The following TMEM233 variants were observed in gnomAD, a reference collection of about 807,000 sequenced individuals.
TMEM233 encodes transmembrane protein 233.
Under a neutral mutation model 11.2 loss-of-function variants are expected in TMEM233, and 6 were observed. That is an observed-to-expected ratio of 0.54 (90% CI 0.29 to 1.06). TMEM233 has a LOEUF of 1.06. TMEM233 is among the 50% of genes least tolerant of loss of function. TMEM233 has a pLI of 0.08. For missense variants in TMEM233, 127 were observed against 144.7 expected (o/e 0.88, Z 0.63); for synonymous variants, 59 against 55.8 (o/e 1.06, Z -0.26).
At chr12:119,615,939 C>A (rs1954522366) in intron 1 of TMEM233, among the ~76,000 whole-genome samples, 1 of 152,182 alleles carries the variant, frequency 6.6e-6, no homozygotes. Context: ...CCCACAGCAA[C>A]CTTTTTGAGG....
chr12:119,616,475 G>A (rs1479133205), intron 1 of TMEM233, among the ~76,000 whole-genome samples: 1 of 152,176 alleles, frequency 6.6e-6, no homozygotes, highest in African/African-American at 2.4e-5. Flanking sequence ...CGGGTGGTTG[G>A]CTTATGAAAT....
intron 1 of TMEM233, among the ~76,000 whole-genome samples, chr12:119,614,159 G>A (rs961616102): frequency 6.6e-6 from 1 of 152,144 alleles, no homozygotes; most frequent in Non-Finnish European, 1.5e-5. Context: ...CCAGCAGGGA[G>A]TACTTTGGGA....
chr12:119,598,665 A>G (rs1356847834), intron 1 of TMEM233, among the ~76,000 whole-genome samples: 1 of 152,196 alleles, frequency 6.6e-6, no homozygotes, highest in Non-Finnish European at 1.5e-5. Context: ...ATTCTCAAGC[A>G]CACCATTGCC....
chr12:119,594,247 C>G lies in TMEM233; in HGVS notation c.186+213C>G. 1.8e-6 allele frequency: 1 copy of G among 555,982 alleles called. No homozygotes were observed. The highest frequency in any genetic ancestry group is 3.0e-5 in the East Asian group (1 of 32,854). The allele number at this position is 555,982 out of a possible 1,614,324, so 34.4% of individuals were successfully genotyped here. ...CCTCCTCTGCACTCCTCGTGGTACT[C>G]AGAGCCCTGATCAAGCTTCCCCCAG... On this transcript the variant is annotated intron_variant, in intron 1 of 2. Transcript: ENST00000426426. The surrounding 1 kb of genome is among the most constrained non-coding windows in gnomAD (Gnocchi z 5.6).
intron 1 of TMEM233, among the ~76,000 whole-genome samples, chr12:119,597,600 C>T (rs1410183349): frequency 6.6e-6 from 1 of 152,128 alleles, no homozygotes; most frequent in Non-Finnish European, 1.5e-5. Flanking sequence ...TGGAAAAATA[C>T]ACATTCAAGA....
At chr12:119,620,741 T>C (rs1954624621) in intron 1 of TMEM233, among the ~76,000 whole-genome samples, 1 of 152,212 alleles carries the variant, frequency 6.6e-6, no homozygotes, top group South Asian at 2.1e-4. Context: ...ATATAACTCA[T>C]TATTTTAATC....
chr12:119,626,538 GGAGAAGAGAAGAGAA>G (rs199737179), intron 1 of TMEM233, among the ~76,000 whole-genome samples: 5,354 of 63,798 alleles, frequency 0.084, 330 homozygotes, highest in Middle Eastern at 0.11. Context: ...AAGGGAGAAG[GGAGAAGAGAAGAGAA>G]GAGAAGAGAA....
Position 119,640,858 on chromosome 12 carries a change from A to AAAG in TMEM233, c.*155_*156insGAA, listed in dbSNP as rs200103177. The AAAG allele has an allele frequency of 0.03, 16,863 of 561,920 alleles. 33 individuals are homozygous for AAAG. Among genetic ancestry groups the AAAG allele is most frequent in the Non-Finnish European group, 0.036 (13,582 of 375,504 alleles). 34.8% of individuals were successfully genotyped at this position (561,920 alleles called of 1,614,324 possible). On this transcript the variant is annotated 3_prime_UTR_variant, in exon 3 of 3. Transcript: ENST00000426426. ...GCAGGTCCCTGGCAAATGAACAAGA[A>AAAG]AAAAAAAAAAAAAAAGTCCAAAATT...
chr12:119,606,765 C>G (rs1954288685), intron 1 of TMEM233, among the ~76,000 whole-genome samples: 1 of 152,152 alleles, frequency 6.6e-6, no homozygotes, highest in Non-Finnish European at 1.5e-5. Flanking sequence ...AAATGAGTTC[C>G]TAAACATAAA....
At chr12:119,630,629 C>T (rs151307397) in intron 2 of TMEM233, among the ~76,000 whole-genome samples, 14 of 152,340 alleles carry the variant, frequency 9.2e-5, no homozygotes, top group African/African-American at 2.6e-4. Flanking sequence ...AGATCTAGAA[C>T]ATGAGGTGTC....
At position 119,639,414 on chromosome 12, in the gene TMEM233, G is replaced by A. The variant is rs375014584; in HGVS notation, c.324-1285G>A. On this transcript the variant is annotated intron_variant, in intron 2 of 2. Transcript: ENST00000426426. ...GGGTGGATCACAAGGTCAGGAGATC[G>A]ATACCATCCTGGCTAACATGGTGAA... Among the ~76,000 whole-genome samples the A allele has an allele frequency of 8.4e-4, 127 of 151,352 alleles. 1 individual carries two copies. In the South Asian group the frequency reaches 0.02, roughly 24 times the overall value.
the TMEM233 span, among the ~76,000 whole-genome samples, chr12:119,649,915 T>C: frequency 3.4e-5 from 5 of 148,076 alleles, no homozygotes; most frequent in Non-Finnish European, 5.9e-5. Context: ...TCCCAGCACT[T>C]TGGGAGGCCG....
chr12:119,637,620 T>C (rs1411152452), intron 2 of TMEM233, among the ~76,000 whole-genome samples: 2 of 152,214 alleles, frequency 1.3e-5, no homozygotes, highest in Non-Finnish European at 1.5e-5. Flanking sequence ...ATTGTTTTGA[T>C]CAGAGAATTT....
chr12:119,615,133 T>C (rs1172189597), intron 1 of TMEM233, among the ~76,000 whole-genome samples: 1 of 128,626 alleles, frequency 7.8e-6, no homozygotes, highest in Non-Finnish European at 1.5e-5. Flanking sequence ...AGGCCTGGCT[T>C]CTTCTCAAAC....
rs1954031610 is a variant in TMEM233 at position 119,595,697 on chromosome 12, T to A, written c.186+1663T>A. On this transcript the variant is annotated intron_variant, in intron 1 of 2. Coordinates refer to ENST00000426426, the MANE Select transcript of TMEM233 (RefSeq NM_001136534.3). The surrounding 1 kb of genome is among the most constrained non-coding windows in gnomAD (Gnocchi z 4.3). ...GCTTAGAACAGTGACCAGCACGGTA[T>A]CTTTACAAAATCTTTACTCAAATGT... Among the ~76,000 whole-genome samples, 1 of 152,202 alleles carries A rather than the reference T, an allele frequency of 6.6e-6. No individual in the cohort carries two copies. Among genetic ancestry groups the A allele is most frequent in the Admixed American group, 6.5e-5 (1 of 15,290 alleles).
Position 119,594,689 on chromosome 12 carries a change from C to T in TMEM233, c.186+655C>T, listed in dbSNP as rs1006224068. On this transcript the variant is annotated intron_variant, in intron 1 of 2. Transcript: ENST00000426426. The surrounding 1 kb of genome is among the most constrained non-coding windows in gnomAD (Gnocchi z 5.6). ...AACAGTTTCCTCTCGCTTCTTCCTA[C>T]ACCCAACTTCCTCTCCTTGCCTCCC... Among the ~76,000 whole-genome samples, 1 of 152,162 alleles carries T rather than the reference C, an allele frequency of 6.6e-6. No individual in the cohort carries two copies. The highest frequency in any genetic ancestry group is 1.5e-5 in the Non-Finnish European group (1 of 68,014).
intron 2 of TMEM233, among the ~76,000 whole-genome samples, chr12:119,633,139 A>G (rs1444180611): frequency 6.6e-6 from 1 of 152,218 alleles, no homozygotes; most frequent in Non-Finnish European, 1.5e-5. Flanking sequence ...CAGCTTTATC[A>G]GGATTCAGAT....
intron 1 of TMEM233, among the ~76,000 whole-genome samples, chr12:119,612,651 C>G (rs1045149132): frequency 1.3e-5 from 2 of 150,968 alleles, no homozygotes; most frequent in African/African-American, 2.4e-5. Context: ...ACTTGGGAGG[C>G]TGAGGCGGGA....
chr12:119,646,603 T>A (rs1234706837), downstream of TMEM233, among the ~76,000 whole-genome samples: 1 of 152,208 alleles, frequency 6.6e-6, no homozygotes, highest in African/African-American at 2.4e-5. Flanking sequence ...CCTCCTTCCA[T>A]CTTCAACGGC....
Sources: allele counts gnomAD v4.1 joint callset (sites outside exome capture counted in the v4.1 genomes callset), GRCh38; gene constraint gnomAD v4.1.1; non-coding constraint Gnocchi (gnomAD v3.1); transcripts MANE v1.5; gene names NCBI Gene and HGNC (gene_info 2026-07-23, HGNC 2026-07-21).